RGS7: variants seen among roughly 807,000 people sequenced by gnomAD.
RGS7 encodes the protein regulator of G protein signaling 7.
RGS7 carries 27 observed loss-of-function variants against 81.1 expected under a neutral mutation model. The ratio of observed to expected loss-of-function variants is 0.33; its 90% CI spans 0.25 to 0.46. The LOEUF is 0.46. RGS7 is among the 20% of genes least tolerant of loss of function. The probability of loss-of-function intolerance (pLI) is 1.00; values close to 1 mark genes in which losing one functional copy is unlikely to be tolerated. For missense variants in RGS7, 396 were observed against 607.4 expected (o/e 0.65, Z 3.66); for synonymous variants, 208 against 207.7 (o/e 1.00, Z -0.01).
In RGS7 at chr1:241,320,942, A is replaced by G. The variant is rs115443259; in HGVS notation, c.78+34757T>C. Among the ~76,000 whole-genome samples the G allele has an allele frequency of 4.6e-3, 697 of 152,340 alleles. 5 individuals carry two copies. The highest frequency in any genetic ancestry group is 0.016 in the South Asian group (76 of 4,830). ...ACTGGACAATTGCCTAATATCATCA[A>G]TGTAAATACCCAATGTTATGTGATT... On this transcript the variant is annotated intron_variant, in intron 2 of 18. Coordinates refer to ENST00000440928, the MANE Select transcript of RGS7 (RefSeq NM_001364886.1).
chr1:241,080,522 C>T (rs1372086383), intron 3 of RGS7, among the ~76,000 whole-genome samples: 1 of 152,126 alleles, frequency 6.6e-6, no homozygotes, highest in Non-Finnish European at 1.5e-5. Flanking sequence ...TTAATCCAAG[C>T]CTCTGGAGGT....
At chr1:241,191,065 T>C (rs2072613337) in intron 2 of RGS7, among the ~76,000 whole-genome samples, 1 of 151,956 alleles carries the variant, frequency 6.6e-6, no homozygotes, top group Admixed American at 6.6e-5. Flanking sequence ...CACTGCAACC[T>C]CCGCCTCCTG....
chr1:241,156,378 C>T (rs2069148215), intron 2 of RGS7, among the ~76,000 whole-genome samples: 1 of 151,674 alleles, frequency 6.6e-6, no homozygotes, highest in Non-Finnish European at 1.5e-5. Flanking sequence ...TGGTAACGCA[C>T]ACTTGTGCTC....
intron 3 of RGS7, among the ~76,000 whole-genome samples, chr1:241,098,329 GA>G (rs1376853691): frequency 2.0e-5 from 3 of 152,102 alleles, no homozygotes; most frequent in Admixed American, 6.5e-5. Context: ...CATCAGTCAG[GA>G]AAAAGAAATC....
intron 2 of RGS7, among the ~76,000 whole-genome samples, chr1:241,246,570 T>C (rs2076559714): frequency 6.6e-6 from 1 of 152,296 alleles, no homozygotes; most frequent in African/African-American, 2.4e-5. Context: ...AGCTTCCTCC[T>C]AAGAGACTTA....
chr1:241,016,499 A>AGAGT (rs959562596), intron 3 of RGS7, among the ~76,000 whole-genome samples: 51 of 152,264 alleles, frequency 3.3e-4, no homozygotes, highest in African/African-American at 1.2e-3. Context: ...ACCTGGTGAA[A>AGAGT]GAGTGAGACT....
Position 241,021,041 on chromosome 1 carries a change from A to T in RGS7, c.176-37912T>A, listed in dbSNP as rs550945972. ...AAATGCTGACAGAAAGACTCACGAC[A>T]TTGGTAGAACTTCTTATTAGTGTTG... On this transcript the variant is annotated intron_variant, in intron 3 of 18. Coordinates refer to ENST00000440928, the MANE Select transcript of RGS7 (RefSeq NM_001364886.1). 3.3e-5 allele frequency among the ~76,000 whole-genome samples: 5 copies of T among 152,316 alleles called. No homozygotes were observed. In the East Asian group the frequency reaches 9.7e-4, roughly 29 times the overall value.
At chr1:241,168,766 CACAT>C (rs2070481265) in intron 2 of RGS7, among the ~76,000 whole-genome samples, 2 of 152,192 alleles carry the variant, frequency 1.3e-5, no homozygotes, top group African/African-American at 4.8e-5. Context: ...CCAACACACA[CACAT>C]AGAGAGAGCG....
At chr1:241,103,610 G>T (rs189504684) in intron 2 of RGS7, among the ~76,000 whole-genome samples, 2 of 152,278 alleles carry the variant, frequency 1.3e-5, no homozygotes, top group Non-Finnish European at 2.9e-5. Flanking sequence ...GGTGGCTCAC[G>T]CCAGTAATCT....
intron 2 of RGS7, chr1:241,305,914 G>A (rs1045524944): frequency 2.8e-5 from 5 of 177,796 alleles, no homozygotes; most frequent in South Asian, 2.1e-4. Context: ...GAGGGCCGCC[G>A]CAGAGGACCC....
intron 6 of RGS7, among the ~76,000 whole-genome samples, chr1:240,888,036 T>A (rs1572609797): frequency 6.6e-6 from 1 of 152,196 alleles, no homozygotes; most frequent in Non-Finnish European, 1.5e-5. Context: ...ACTATATTGG[T>A]GATGGGATTG....
intron 2 of RGS7, among the ~76,000 whole-genome samples, chr1:241,285,087 G>T (rs906511873): frequency 6.6e-6 from 1 of 152,006 alleles, no homozygotes; most frequent in Non-Finnish European, 1.5e-5. Context: ...TGCCAGGATG[G>T]TCTCGATCTC....
chr1:240,848,490 A>G (rs999445511), intron 9 of RGS7, among the ~76,000 whole-genome samples: 1 of 152,152 alleles, frequency 6.6e-6, no homozygotes, highest in Non-Finnish European at 1.5e-5. Flanking sequence ...TAAGACCAAA[A>G]AATAATAAGA....
At chr1:241,132,738 ATTAT>A (rs142162115) in intron 2 of RGS7, among the ~76,000 whole-genome samples, 129 of 142,664 alleles carry the variant, frequency 9.0e-4, no homozygotes, top group African/African-American at 2.2e-3. Flanking sequence ...AATTCAACTT[ATTAT>A]TTGTTTGTTT....
intron 2 of RGS7, among the ~76,000 whole-genome samples, chr1:241,327,994 G>A (rs2081719757): frequency 6.6e-6 from 1 of 152,016 alleles, no homozygotes; most frequent in Non-Finnish European, 1.5e-5. Context: ...ATATGAATTT[G>A]GAAGTTTGTT....
chr1:241,055,794 T>C (rs927989881), intron 3 of RGS7, among the ~76,000 whole-genome samples: 2 of 152,202 alleles, frequency 1.3e-5, no homozygotes, highest in African/African-American at 4.8e-5. Context: ...TTCTTCAGTT[T>C]CCCTGGAAAC....
intron 2 of RGS7, among the ~76,000 whole-genome samples, chr1:241,199,671 AG>A: frequency 7.3e-6 from 1 of 136,184 alleles, no homozygotes; most frequent in Admixed American, 8.1e-5. Context: ...TTTCAAAATA[AG>A]CTGTGGCTTC....
chr1:241,015,056 T>C (rs2059154402), intron 3 of RGS7, among the ~76,000 whole-genome samples: 1 of 152,222 alleles, frequency 6.6e-6, no homozygotes, highest in African/African-American at 2.4e-5. Context: ...TTTATGGGCA[T>C]TGAATCACAA....
intron 2 of RGS7, among the ~76,000 whole-genome samples, chr1:241,341,578 G>A (rs1390567852): frequency 6.6e-6 from 1 of 151,690 alleles, no homozygotes; most frequent in African/African-American, 2.4e-5. Context: ...AAGAAAGGAA[G>A]TAAAAAGGAA....
Sources: gnomAD v4.1 joint callset for allele counts (sites outside exome capture counted in the v4.1 genomes callset) on GRCh38, gnomAD v4.1.1 for gene constraint, MANE v1.5 for transcripts, NCBI Gene and HGNC (gene_info 2026-07-23, HGNC 2026-07-21) for gene names.